Variants in AACS observed in about 807,000 individuals in gnomAD.
AACS encodes the protein acetoacetate-CoA ligase.
Under a neutral mutation model 83.1 loss-of-function variants are expected in AACS, and 69 were observed. That is an observed-to-expected ratio of 0.83 (90% CI 0.68 to 1.01). The LOEUF (loss-of-function observed/expected upper bound fraction) is 1.01, where lower values mean the gene tolerates loss of function less well. Among genes scored for constraint, AACS ranks in the 50% least tolerant of loss-of-function variants. The pLI is 0.00. For synonymous variants in AACS, 333 were observed against 343.4 expected, an observed-to-expected ratio of 0.97 and a Z score of 0.33; for missense variants, 866 against 882.2, an observed-to-expected ratio of 0.98 and a Z score of 0.23.
intron 4 of AACS, among the ~76,000 whole-genome samples, chr12:125,089,770 A>G (rs956099071): frequency 6.6e-6 from 1 of 151,134 alleles, no homozygotes; most frequent in Non-Finnish European, 1.5e-5. Flanking sequence ...CCATCTATCC[A>G]TCCCTTCATC....
At position 125,114,515 on chromosome 12, in the gene AACS, C is replaced by T. The variant is rs370997652; in HGVS notation, c.954C>T (p.His318=). 3.2e-5 allele frequency: 51 copies of T among 1,613,464 alleles called. No individual in the cohort carries two copies. The African/African-American group carries it at 3.7e-4, about 12-fold the overall frequency. The stretch of plus-strand genomic sequence containing the variant: ...AGCATCTGAAGGAGCACCTGCTGCA[C>T]GGCAACATGACCAGCAGTGACATCC... The part of the protein sequence containing the change: ...LIQHLKEHLL[H]GNMTSSDILL... The change falls in exon 9 of 18, where the codon CAC becomes CAT. Residue 318 remains histidine, a synonymous_variant. Transcript: ENST00000316519.
At chr12:125,070,034 C>T (rs1955817342) in intron 1 of AACS, among the ~76,000 whole-genome samples, 1 of 152,186 alleles carries the variant, frequency 6.6e-6, no homozygotes, top group Non-Finnish European at 1.5e-5. Context: ...CTATGAGGAA[C>T]ATCTGAACCC....
rs1418224217 is a variant in AACS at position 125,140,248 on chromosome 12, C to G, written c.1882-1844C>G. ...GGCTCCTGTCTACTTGGGGACGCCT[C>G]ATGCAGGAGCTGGTGTGGGGGTGGG... On this transcript the variant is annotated intron_variant, in intron 17 of 17. Transcript: ENST00000316519. This position sits in a 1 kb window ranked among gnomAD's most constrained non-coding sequence, Gnocchi z 5.1. The G allele has an allele frequency of 1.3e-5, 2 of 152,046 alleles. No individual in the cohort carries two copies. Among genetic ancestry groups the G allele is most frequent in the Non-Finnish European group, 2.9e-5 (2 of 68,074 alleles). 9.4% of individuals were successfully genotyped at this position (152,046 alleles called of 1,614,324 possible).
chr12:125,116,761 G>A (rs982395512), intron 9 of AACS, among the ~76,000 whole-genome samples: 2 of 151,926 alleles, frequency 1.3e-5, no homozygotes, highest in Admixed American at 6.6e-5. Context: ...CACCGCGCCC[G>A]GCCTCCCGAC....
chr12:125,118,523 T>C, intron 9 of AACS, 118 bp from the exon 10 acceptor site: 1 of 1,415,386 alleles, frequency 7.1e-7, no homozygotes, highest in Non-Finnish European at 9.5e-7. Flanking sequence ...AATGGGAAGT[T>C]AGCACCAACC....
rs150316817 is a variant in AACS, at chr12:125,094,616, G to T, written c.570+3093G>T. ...CTGGGGGAACGCGTTTCTGGCCTCC[G>T]TCACTCCCCTGTGCTTTACTTCTAC... On this transcript the variant is annotated intron_variant, in intron 5 of 17. Coordinates refer to ENST00000316519, the MANE Select transcript of AACS (RefSeq NM_023928.5). This position sits in a 1 kb window ranked among gnomAD's most constrained non-coding sequence, Gnocchi z 4.1. 6.6e-6 allele frequency among the ~76,000 whole-genome samples: 1 copy of T among 152,114 alleles called. No individual in the cohort carries two copies. Among genetic ancestry groups the T allele is most frequent in the East Asian group, 1.9e-4 (1 of 5,192 alleles).
At chr12:125,116,491 G>C (rs954634705) in intron 9 of AACS, among the ~76,000 whole-genome samples, 1 of 151,778 alleles carries the variant, frequency 6.6e-6, no homozygotes, top group Non-Finnish European at 1.5e-5. Context: ...TGAGACGGAG[G>C]CTCACTCTGT....
intron 8 of AACS, among the ~76,000 whole-genome samples, chr12:125,107,610 T>C (rs572477831): frequency 6.6e-6 from 1 of 152,288 alleles, no homozygotes; most frequent in African/African-American, 2.4e-5. Context: ...GTGAACTCAA[T>C]AGGTGGGCCC....
chr12:125,092,252 G>A (rs563698906), intron 5 of AACS, among the ~76,000 whole-genome samples: 13 of 152,348 alleles, frequency 8.5e-5, no homozygotes, highest in African/African-American at 2.6e-4. Context: ...TGCAGCATCC[G>A]TGTCCCTGAC....
At chr12:125,126,391 C>G (rs926223917) in intron 12 of AACS, 4 of 152,170 alleles carry the variant, frequency 2.6e-5, no homozygotes, top group Admixed American at 6.6e-5. Context: ...CCCAAGGAAG[C>G]CGACGTCGTT....
intron 5 of AACS, chr12:125,092,639 G>C (rs1328951697): frequency 2.6e-5 from 4 of 152,348 alleles, no homozygotes; most frequent in Non-Finnish European, 5.9e-5. Flanking sequence ...GTGGCTGGAT[G>C]GCCGTGCCCT....
intron 8 of AACS, among the ~76,000 whole-genome samples, chr12:125,112,624 G>A (rs1387136670): frequency 7.3e-6 from 1 of 137,154 alleles, no homozygotes; most frequent in Non-Finnish European, 1.5e-5. Context: ...AGGTTGCAGT[G>A]AGCCGAGATC....
At chr12:125,092,319 G>C (rs774716949) in intron 5 of AACS, among the ~76,000 whole-genome samples, 6 of 152,284 alleles carry the variant, frequency 3.9e-5, no homozygotes, top group Non-Finnish European at 7.3e-5. Context: ...CCGTCCGTCA[G>C]TCAGCAGCAC....
chr12:125,087,302 G>C (rs1343680047), intron 4 of AACS, among the ~76,000 whole-genome samples: 1 of 152,232 alleles, frequency 6.6e-6, no homozygotes, highest in Non-Finnish European at 1.5e-5. Context: ...GCTCTCCTTT[G>C]TTCCCTGGGA....
intron 7 of AACS, among the ~76,000 whole-genome samples, chr12:125,106,912 G>A (rs1013081406): frequency 1.3e-5 from 2 of 152,108 alleles, no homozygotes; most frequent in African/African-American, 2.4e-5. Flanking sequence ...ACCTTCACTC[G>A]TTCGATGAGT....
chr12:125,080,014 T>C (rs891153420), intron 3 of AACS, among the ~76,000 whole-genome samples: 3 of 152,176 alleles, frequency 2.0e-5, no homozygotes, highest in African/African-American at 4.8e-5. Flanking sequence ...TTCATCCACA[T>C]TGTAGCATGG....
Position 125,130,750 on chromosome 12 carries a change from A to G in AACS, c.1549+1290A>G, listed in dbSNP as rs1429727175. Among the ~76,000 whole-genome samples the G allele has an allele frequency of 6.6e-6, 1 of 152,156 alleles. No homozygotes were observed. Among genetic ancestry groups the G allele is most frequent in the East Asian group, 1.9e-4 (1 of 5,198 alleles). On this transcript the variant is annotated intron_variant, in intron 14 of 17. Transcript: ENST00000316519. This position sits in a 1 kb window ranked among gnomAD's most constrained non-coding sequence, Gnocchi z 4.9. The stretch of plus-strand genomic sequence containing the variant: ...CTGCCAGGAAACTCAGAGCTGAAAT[A>G]ATTGCTTTGTTTTTGTAGTCCTCTT...
At chr12:125,124,585 C>G (rs188565213) in intron 10 of AACS, 120 bp from the exon 11 acceptor site, 247 of 1,191,980 alleles carry the variant, frequency 2.1e-4, no homozygotes, top group Non-Finnish European at 1.3e-4. Context: ...GAGTTCAACC[C>G]AGAAAACTGC....
chr12:125,111,307 C>T (rs192318749), intron 8 of AACS, among the ~76,000 whole-genome samples: 684 of 65,674 alleles, frequency 0.01, 4 homozygotes, highest in African/African-American at 0.041. Context: ...AGACAAGGGT[C>T]GGGGCGGGGG....
Sources: gnomAD v4.1 joint callset for allele counts (sites outside exome capture counted in the v4.1 genomes callset) on GRCh38, gnomAD v4.1.1 for gene constraint, Gnocchi (gnomAD v3.1) non-coding constraint, MANE v1.5 for transcripts, NCBI Gene and HGNC (gene_info 2026-07-23, HGNC 2026-07-21) for gene names.